WWOX: variants seen among roughly 807,000 people sequenced by gnomAD.
The protein encoded by WWOX is WW domain-containing oxidoreductase.
Under a neutral mutation model 46.2 loss-of-function variants are expected in WWOX, and 69 were observed. That is an observed-to-expected ratio of 1.49 (90% CI 1.23 to 1.82). WWOX has a LOEUF of 1.82. WWOX is among the 40% of genes most tolerant of loss of function. The pLI is 0.00. For missense variants in WWOX, 919 were observed against 542.6 expected (o/e 1.69, Z -6.89); for synonymous variants, 359 against 202.6 (o/e 1.77, Z -6.56).
At chr16:78,850,268 T>C (rs146359454) in intron 8 of WWOX, among the ~76,000 whole-genome samples, 146 of 152,278 alleles carry the variant, frequency 9.6e-4, no homozygotes, top group Non-Finnish European at 1.5e-3. Flanking sequence ...GGTCAGTATT[T>C]GGTTAACCCA....
At chr16:78,204,040 C>G (rs1428125629) in intron 5 of WWOX, among the ~76,000 whole-genome samples, 1 of 152,164 alleles carries the variant, frequency 6.6e-6, no homozygotes, top group African/African-American at 2.4e-5. Context: ...CAGCCATCCC[C>G]TCAACTCCAG....
chr16:78,479,506 A>T (rs767930239), intron 8 of WWOX, among the ~76,000 whole-genome samples: 1 of 152,212 alleles, frequency 6.6e-6, no homozygotes, highest in Non-Finnish European at 1.5e-5. Context: ...TGTGAAGATT[A>T]TGGTTTTTGA....
chr16:78,724,362 A>G (rs750443221), intron 8 of WWOX, among the ~76,000 whole-genome samples: 1 of 152,208 alleles, frequency 6.6e-6, no homozygotes. Context: ...ACCTTTAGCA[A>G]CAACTCCTAA....
rs2048754151 is a variant in WWOX at position 79,081,202 on chromosome 16, T to C, written c.1057-130406T>C. On this transcript the variant is annotated intron_variant, in intron 8 of 8. Transcript: ENST00000566780. ...TTCTTGAGACAAAGTCTTGATCTGT[T>C]GCCCAGGCTCGAGTGCAGTGGCAGC... is the stretch of plus-strand genomic sequence containing the variant. Among the ~76,000 whole-genome samples the C allele has an allele frequency of 2.0e-5, 3 of 152,204 alleles. No individual in the cohort carries two copies. In the South Asian group the frequency reaches 6.2e-4, roughly 32 times the overall value.
chr16:79,128,489 G>C (rs183025992), intron 8 of WWOX, among the ~76,000 whole-genome samples: 2 of 152,246 alleles, frequency 1.3e-5, no homozygotes, highest in Admixed American at 1.3e-4. Flanking sequence ...TTAAGGCTCA[G>C]AGAGGTTAAA....
At chr16:79,087,425 G>A (rs982713939) in intron 8 of WWOX, among the ~76,000 whole-genome samples, 4 of 152,180 alleles carry the variant, frequency 2.6e-5, no homozygotes, top group African/African-American at 9.7e-5. Flanking sequence ...AGTCACATTG[G>A]GTGGTTTGTA....
intron 8 of WWOX, among the ~76,000 whole-genome samples, chr16:78,448,640 C>T (rs1412445635): frequency 1.3e-5 from 2 of 152,186 alleles, no homozygotes; most frequent in Non-Finnish European, 2.9e-5. Flanking sequence ...ATTCACAAAT[C>T]AGCTTCTCCA....
At chr16:78,946,144 G>T (rs1035772182) in intron 8 of WWOX, among the ~76,000 whole-genome samples, 6 of 152,124 alleles carry the variant, frequency 3.9e-5, no homozygotes, top group Non-Finnish European at 8.8e-5. Flanking sequence ...CCCCCTACAA[G>T]AATGCCGAGA....
chr16:78,986,322 G>C lies in WWOX; in HGVS notation c.1057-225286G>C, dbSNP rs117437371. ...GACCTATAGTTTTGAAAGTCACCTAGAGGATACCAGTCTGACTCAGAGCTT... is the reference window on the plus strand; with the variant it reads ...GACCTATAGTTTTGAAAGTCACCTACAGGATACCAGTCTGACTCAGAGCTT... On this transcript the variant is annotated intron_variant, in intron 8 of 8. Coordinates refer to ENST00000566780, the MANE Select transcript of WWOX (RefSeq NM_016373.4). Among the ~76,000 whole-genome samples, 14 of 152,184 alleles carry C rather than the reference G, an allele frequency of 9.2e-5. No homozygotes were observed. The East Asian group carries it at 2.7e-3, about 29-fold the overall frequency.
At chr16:78,720,105 C>T (rs1183321547) in intron 8 of WWOX, among the ~76,000 whole-genome samples, 1 of 152,128 alleles carries the variant, frequency 6.6e-6, no homozygotes, top group Non-Finnish European at 1.5e-5. Context: ...GTTGAAATGC[C>T]TCACTCTTGC....
intron 8 of WWOX, among the ~76,000 whole-genome samples, chr16:79,088,580 T>C (rs1339052423): frequency 6.6e-6 from 1 of 152,226 alleles, no homozygotes; most frequent in African/African-American, 2.4e-5. Flanking sequence ...GGGTTTCTTT[T>C]TGAAACTAAA....
At chr16:78,704,515 C>T (rs1038621234) in intron 8 of WWOX, among the ~76,000 whole-genome samples, 5 of 152,244 alleles carry the variant, frequency 3.3e-5, no homozygotes, top group African/African-American at 7.2e-5. Flanking sequence ...TGAGCAACAA[C>T]GAGACTTAGT....
chr16:79,168,048 A>G (rs1008151622), intron 8 of WWOX, among the ~76,000 whole-genome samples: 2 of 152,122 alleles, frequency 1.3e-5, no homozygotes, highest in Non-Finnish European at 2.9e-5. Context: ...AAGTTGTGGC[A>G]TGTGTCAGTA....
At chr16:78,711,829 A>G (rs1454668718) in intron 8 of WWOX, among the ~76,000 whole-genome samples, 1 of 152,196 alleles carries the variant, frequency 6.6e-6, no homozygotes, top group Admixed American at 6.5e-5. Flanking sequence ...CTGTAAATGC[A>G]CGAGTATTGA....
chr16:79,094,579 G>C (rs11863868), intron 8 of WWOX, among the ~76,000 whole-genome samples: 23,642 of 151,884 alleles, frequency 0.16, 2,472 homozygotes, highest in African/African-American at 0.3. Context: ...AAGCAAATAA[G>C]AAACAACAAC....
chr16:79,008,525 C>T (rs2047235985), intron 8 of WWOX, among the ~76,000 whole-genome samples: 1 of 152,192 alleles, frequency 6.6e-6, no homozygotes, highest in South Asian at 2.1e-4. Flanking sequence ...AAATGGAAGT[C>T]TTGGGGGCCA....
intron 8 of WWOX, among the ~76,000 whole-genome samples, chr16:79,027,704 A>T (rs11645630): frequency 6.6e-6 from 1 of 151,376 alleles, no homozygotes; most frequent in Non-Finnish European, 1.5e-5. Context: ...TCCTTACTCT[A>T]CCCAAGTAAT....
rs79773420 is a variant in WWOX, at chr16:79,198,859, A to G, written c.1057-12749A>G. ...TAGTCTTTGTTGTTGAAAGGTCACT[A>G]TGATGATGGCTCAAAATCCTGACCT... On this transcript the variant is annotated intron_variant, in intron 8 of 8. Transcript: ENST00000566780. Among the ~76,000 whole-genome samples, 749 of 152,336 alleles carry G rather than the reference A, an allele frequency of 4.9e-3. 3 individuals carry two copies. Among genetic ancestry groups the G allele is most frequent in the African/African-American group, 0.017 (700 of 41,584 alleles).
intron 8 of WWOX, among the ~76,000 whole-genome samples, chr16:78,578,462 T>G (rs1334608248): frequency 6.6e-6 from 1 of 150,766 alleles, no homozygotes; most frequent in African/African-American, 2.4e-5. Context: ...GCTAATTTTA[T>G]GTATTTTTAA....
Sources: allele counts gnomAD v4.1 joint callset (sites outside exome capture counted in the v4.1 genomes callset), GRCh38; gene constraint gnomAD v4.1.1; transcripts MANE v1.5; gene names NCBI Gene and HGNC (gene_info 2026-07-23, HGNC 2026-07-21).